Variants in ZMYM6 observed in about 807,000 individuals in gnomAD.
The protein encoded by ZMYM6 is zinc finger MYM-type containing 6.
ZMYM6 carries 90 observed loss-of-function variants against 134.0 expected under a neutral mutation model. That is an observed-to-expected ratio of 0.67 (90% CI 0.57 to 0.80). The LOEUF (loss-of-function observed/expected upper bound fraction) is 0.80, where lower values mean the gene tolerates loss of function less well. Among genes scored for constraint, ZMYM6 ranks in the 30% least tolerant of loss-of-function variants. The probability of loss-of-function intolerance (pLI) is 0.00; values close to 1 mark genes in which losing one functional copy is unlikely to be tolerated. For synonymous variants in ZMYM6, 481 were observed against 524.1 expected (o/e 0.92, Z 1.12); for missense variants, 1,362 against 1,533.9 (o/e 0.89, Z 1.87).
At chr1:35,023,779 G>A (rs181094472) in intron 2 of ZMYM6, among the ~76,000 whole-genome samples, 5,545 of 151,752 alleles carry the variant, frequency 0.037, 322 homozygotes, top group African/African-American at 0.13. Context: ...CCACCACCAT[G>A]CCTGGCTAAT....
In ZMYM6 at chr1:35,012,697, C is replaced by T. The variant is rs867809605; in HGVS notation, c.796-116G>A. The T allele has an allele frequency of 5.5e-6, 8 of 1,463,656 alleles. No homozygotes were observed. The Middle Eastern group carries it at 9.9e-4, about 181-fold the overall frequency. The allele number at this position is 1,463,656 out of a possible 1,614,324, so 90.7% of individuals were successfully genotyped here. A position where few individuals can be genotyped will look rare whatever the true frequency, so the allele number is the denominator to read the frequency against. Reference sequence around the variant, plus strand: ...ACGGTCCTTGGTTGAAATATTTGAGCATGATGATGAAACCACACTATTGGG... The same window carrying T: ...ACGGTCCTTGGTTGAAATATTTGAGTATGATGATGAAACCACACTATTGGG... On this transcript the variant is annotated intron_variant, in intron 6 of 15. Coordinates refer to ENST00000357182, the MANE Select transcript of ZMYM6 (RefSeq NM_007167.4).
chr1:34,992,270 A>C lies in ZMYM6; in HGVS notation c.2110T>G (p.Cys704Gly). ...KPVTQTKATSCKPHTQHKECQ... is the reference protein window; with the variant it reads ...KPVTQTKATSGKPHTQHKECQ... ...TCTTTGTGCTGTGTATGTGGTTTGC[A>C]AGAAGTGGCCTTGGTCTGTGTGACG... Residue 704 changes from cysteine to glycine, a missense_variant, in exon 15 of 16, where the codon TGC (cysteine) becomes GGC (glycine). By Grantham distance (159) the Cys-to-Gly change is radical. This residue lies in a region of ZMYM6 where 824 missense variants were observed against 940.9 expected (regional missense o/e 0.88). Transcript: ENST00000357182. 1 of 1,614,116 alleles carries C rather than the reference A, an allele frequency of 6.2e-7. No homozygotes were observed. The highest frequency in any genetic ancestry group is 8.5e-7 in the Non-Finnish European group (1 of 1,179,978).
rs1370848892 is a variant in ZMYM6, at chr1:34,992,399, C to G, written c.1993-12G>C. ...TCCTGTGTACTTTCCTAGTTAAAAGCAAATTCAGAAACCAAAGAAAGATTT... is the reference window on the plus strand; with the variant it reads ...TCCTGTGTACTTTCCTAGTTAAAAGGAAATTCAGAAACCAAAGAAAGATTT... On this transcript the variant is annotated splice_polypyrimidine_tract_variant and intron_variant, in intron 14 of 15. Transcript: ENST00000357182. 6.2e-7 allele frequency: 1 copy of G among 1,606,254 alleles called. No homozygotes were observed.
intron 1 of ZMYM6, chr1:35,031,274 A>G (rs1641518605): frequency 6.6e-6 from 1 of 152,226 alleles, no homozygotes; most frequent in Non-Finnish European, 1.5e-5. Flanking sequence ...TGCCTCTTTC[A>G]AGGTCTCCGT....
chr1:35,007,553 A>C (rs1259725093), intron 11 of ZMYM6, among the ~76,000 whole-genome samples: 1 of 151,550 alleles, frequency 6.6e-6, no homozygotes, highest in African/African-American at 2.4e-5. Context: ...GCGTCACTGC[A>C]CTCCAGCCTG....
intron 14 of ZMYM6, among the ~76,000 whole-genome samples, chr1:34,994,940 A>G (rs1569745523): frequency 7.1e-6 from 1 of 141,514 alleles, no homozygotes; most frequent in Admixed American, 7.0e-5. Context: ...ATATATATAT[A>G]TGTATACATA....
At chr1:35,023,593 T>C (rs879156212) in intron 2 of ZMYM6, among the ~76,000 whole-genome samples, 35 of 152,056 alleles carry the variant, frequency 2.3e-4, no homozygotes, top group Admixed American at 5.9e-4. Flanking sequence ...ATCTTCAAAT[T>C]ACCAAAATGA....
At chr1:35,012,355 A>G (rs1641102448) in intron 7 of ZMYM6, 76 bp downstream of exon 7, 3 of 1,266,772 alleles carry the variant, frequency 2.4e-6, no homozygotes, top group Non-Finnish European at 3.1e-6. Context: ...TTAGCTTGTA[A>G]CAAAATCAGA....
intron 2 of ZMYM6, among the ~76,000 whole-genome samples, chr1:35,023,824 G>A (rs964393129): frequency 1.1e-4 from 16 of 151,724 alleles, no homozygotes; most frequent in African/African-American, 2.2e-4. Context: ...GGGTTTCACC[G>A]TGTTAGCCAG....
intron 4 of ZMYM6, 69 bp from the exon 5 acceptor site, chr1:35,015,231 G>C (rs1266599231): frequency 7.1e-7 from 1 of 1,410,918 alleles, no homozygotes. Flanking sequence ...CTCTTTGTGA[G>C]GTGAAATAAC....
chr1:34,992,730 T>TATTTATAA (rs1557558389), intron 14 of ZMYM6, among the ~76,000 whole-genome samples: 3 of 139,728 alleles, frequency 2.1e-5, no homozygotes, highest in African/African-American at 8.4e-5. Context: ...AATAAAAATA[T>TATTTATAA]ACTTATAAAC....
At position 35,012,047 on chromosome 1, in the gene ZMYM6, A is replaced by G. The variant is rs764246284; in HGVS notation, c.947-42T>C. On this transcript the variant is annotated intron_variant, in intron 7 of 15. Coordinates refer to ENST00000357182, the MANE Select transcript of ZMYM6 (RefSeq NM_007167.4). Reference sequence around the variant, plus strand: ...TAAAAACAATGATTAAGTTATACCAATGAACAAACAATACAAAAATGTATT... The same window carrying G: ...TAAAAACAATGATTAAGTTATACCAGTGAACAAACAATACAAAAATGTATT... 2.4e-6 allele frequency: 3 copies of G among 1,233,386 alleles called. No individual in the cohort carries two copies. In the East Asian group the frequency reaches 7.1e-5, roughly 29 times the overall value. 76.4% of individuals were successfully genotyped at this position (1,233,386 alleles called of 1,614,324 possible). A position where few individuals can be genotyped will look rare whatever the true frequency, so the allele number is the denominator to read the frequency against.
intron 15 of ZMYM6, 47 bp from the exon 16 acceptor site, chr1:34,988,982 A>G (rs1196033083): frequency 1.3e-6 from 2 of 1,578,104 alleles, no homozygotes; most frequent in Non-Finnish European, 8.6e-7. Context: ...ACAAATAAGC[A>G]ATGTTCTTTA....
intron 2 of ZMYM6, among the ~76,000 whole-genome samples, chr1:35,024,694 G>A (rs940427448): frequency 1.3e-5 from 2 of 151,940 alleles, no homozygotes; most frequent in African/African-American, 2.4e-5. Flanking sequence ...CCTCCATGAC[G>A]TGGCTATTTT....
chr1:34,994,593 G>A (rs1448613289), intron 14 of ZMYM6, among the ~76,000 whole-genome samples: 1 of 151,908 alleles, frequency 6.6e-6, no homozygotes, highest in Non-Finnish European at 1.5e-5. Flanking sequence ...AACAAAATTA[G>A]GATTGTATTT....
chr1:35,026,766 T>C (rs954868775), intron 2 of ZMYM6, among the ~76,000 whole-genome samples: 1 of 152,196 alleles, frequency 6.6e-6, no homozygotes, highest in African/African-American at 2.4e-5. Flanking sequence ...TTCCTTCAGG[T>C]TCAGCTTCCT....
At chr1:34,995,450 T>C (rs1486023622) in intron 14 of ZMYM6, among the ~76,000 whole-genome samples, 1 of 151,950 alleles carries the variant, frequency 6.6e-6, no homozygotes, top group Admixed American at 6.6e-5. Flanking sequence ...TAAAGTTTTA[T>C]TTATAAATTA....
Position 34,987,830 on chromosome 1 carries a change from T to C in ZMYM6, c.3252A>G (p.Glu1084=), listed in dbSNP as rs1640600957. 2 of 1,550,684 alleles carry C rather than the reference T, an allele frequency of 1.3e-6. No individual in the cohort carries two copies. The highest frequency in any genetic ancestry group is 1.7e-6 in the Non-Finnish European group (2 of 1,146,742). The change falls in exon 16 of 16, where the codon GAA becomes GAG. Residue 1084 remains glutamate (E), a synonymous_variant. Coordinates refer to ENST00000357182, the MANE Select transcript of ZMYM6 (RefSeq NM_007167.4). ...AAAATATTTCAATCTCATGTCGTAA[T>C]TCAAATAATCTTTTTAACATTCTCC... The part of the protein sequence containing the change: ...SRGRMLKRLF[E]LRHEIEIFLS...
In ZMYM6 at chr1:34,988,397, T is replaced by C; in HGVS notation, c.2685A>G (p.Glu895=). 1 of 1,551,660 alleles carries C rather than the reference T, an allele frequency of 6.4e-7. No individual in the cohort carries two copies. The highest frequency in any genetic ancestry group is 8.7e-7 in the Non-Finnish European group (1 of 1,146,970). ...CTCTGACCTTTTGAATCAGCTGGTC[T>C]TCAATGTCTGCAGATAGTTCATCAA... ...HRIDELSADI[E]DQLIQKVRES... is the part of the protein sequence containing the mutation. Residue 895 remains glutamate, a synonymous_variant, in exon 16 of 16, where the codon GAA becomes GAG. Coordinates refer to ENST00000357182, the MANE Select transcript of ZMYM6 (RefSeq NM_007167.4).
Sources: allele counts gnomAD v4.1 joint callset (sites outside exome capture counted in the v4.1 genomes callset), GRCh38; gene constraint gnomAD v4.1.1; regional missense constraint gnomAD v4.1.1; transcripts MANE v1.5; gene names NCBI Gene and HGNC (gene_info 2026-07-23, HGNC 2026-07-21).